AMMECR1: variants seen among roughly 807,000 people sequenced by gnomAD.
The protein encoded by AMMECR1 is AMMECR nuclear protein 1.
Under a neutral mutation model 22.5 loss-of-function variants are expected in AMMECR1, and 3 were observed. The ratio of observed to expected loss-of-function variants is 0.13; its 90% CI spans 0.06 to 0.35. The LOEUF (loss-of-function observed/expected upper bound fraction) is 0.35, where lower values mean the gene tolerates loss of function less well. AMMECR1 is among the 10% of genes least tolerant of loss of function. The pLI, the probability that AMMECR1 is intolerant of heterozygous loss-of-function variation, is 1.00. For synonymous variants in AMMECR1, 130 were observed against 116.7 expected (o/e 1.11, Z -0.74); for missense variants, 235 against 278.7 (o/e 0.84, Z 1.12).
intron 1 of AMMECR1, among the ~76,000 whole-genome samples, chrX:110,299,883 T>C (rs1189190848): frequency 8.9e-6 from 1 of 112,468 alleles, no homozygotes; most frequent in East Asian, 2.8e-4. Context: ...TTCCCTTCTT[T>C]TATGGCTGAT....
At chrX:110,222,528 A>G (rs1297455426) in intron 2 of AMMECR1, among the ~76,000 whole-genome samples, 84 of 98,049 alleles carry the variant, frequency 8.6e-4, no homozygotes, top group Non-Finnish European at 1.6e-3. Context: ...GTGCACCAGC[A>G]TGGCACATGT....
intron 2 of AMMECR1, chrX:110,358,741 C>G (rs2068243522): frequency 1.8e-5 from 2 of 111,693 alleles, no homozygotes; most frequent in Non-Finnish European, 3.8e-5. Flanking sequence ...TGAAAAGAAA[C>G]TTTGTAGGCT....
chrX:110,292,639 C>T (rs1038123908), intron 1 of AMMECR1, among the ~76,000 whole-genome samples: 2 of 111,893 alleles, frequency 1.8e-5, no homozygotes, highest in African/African-American at 3.2e-5. Context: ...ATGATTCCAA[C>T]GATGTGACAC....
In AMMECR1 at chrX:110,196,404, T is replaced by G. The variant is rs1012725423; in HGVS notation, c.*2116A>C. 5 of 110,473 alleles carry G rather than the reference T, an allele frequency of 4.5e-5. No individual in the cohort carries two copies. Among genetic ancestry groups the G allele is most frequent in the Non-Finnish European group, 9.5e-5 (5 of 52,824 alleles). The allele number at this position is 110,473 out of a possible 1,213,427, so 9.1% of individuals were successfully genotyped here. A position where few individuals can be genotyped will look rare whatever the true frequency, so the allele number is the denominator to read the frequency against. ...TTTTTTTTGTTTTTTGTTTTGTTTT[T>G]TTTTTGTTTGTTTTTTTTTGCAGCA... On this transcript the variant is annotated 3_prime_UTR_variant, in exon 6 of 6. Coordinates refer to ENST00000262844, the MANE Select transcript of AMMECR1 (RefSeq NM_015365.3).
At chrX:110,344,413 C>G (rs2068179155) in intron 2 of AMMECR1, among the ~76,000 whole-genome samples, 1 of 112,051 alleles carries the variant, frequency 8.9e-6, no homozygotes, top group Non-Finnish European at 1.9e-5. Flanking sequence ...CTAGGCAACA[C>G]CATTCAGGAC....
chrX:110,351,447 T>C (rs1354469643), intron 2 of AMMECR1, among the ~76,000 whole-genome samples: 1 of 112,076 alleles, frequency 8.9e-6, no homozygotes, highest in African/African-American at 3.2e-5. Context: ...TACATTTATG[T>C]TTGATAGATT....
At chrX:110,274,492 G>A (rs1427782921) in intron 1 of AMMECR1, among the ~76,000 whole-genome samples, 1 of 111,276 alleles carries the variant, frequency 9.0e-6, no homozygotes, top group Admixed American at 9.5e-5. Context: ...TTATGACATG[G>A]CCCTCATTCC....
intron 1 of AMMECR1, among the ~76,000 whole-genome samples, chrX:110,434,356 C>T (rs758394627): frequency 4.4e-4 from 49 of 111,375 alleles, no homozygotes; most frequent in Non-Finnish European, 9.0e-4. Flanking sequence ...CAGTCCTTAC[C>T]AGGGTGTTGA....
In AMMECR1 at chrX:110,345,495, A is replaced by T. The variant is rs755851308; in HGVS notation, c.-147-27646T>A. On this transcript the variant is annotated intron_variant, in intron 2 of 7. Transcript: ENST00000372057. ...TGTACCCTAGAACTTAAAGTGTAAT[A>T]AAAAAAATATATATATATATATAAA... Among the ~76,000 whole-genome samples, 189 of 99,799 alleles carry T rather than the reference A, an allele frequency of 1.9e-3. 1 individual carries two copies. The highest frequency in any genetic ancestry group is 8.5e-3 in the African/African-American group (184 of 21,545). The allele number at this position is 99,799 out of a possible 115,157, so 86.7% of individuals were successfully genotyped here.
chrX:110,383,319 G>T (rs777968957), intron 2 of AMMECR1, among the ~76,000 whole-genome samples: 3 of 111,215 alleles, frequency 2.7e-5, no homozygotes, highest in African/African-American at 6.5e-5. Flanking sequence ...CTCCCTTCAA[G>T]AACTCCTATC....
intron 2 of AMMECR1, chrX:110,346,799 T>G (rs761214999): frequency 1.4e-6 from 1 of 735,676 alleles, no homozygotes; most frequent in East Asian, 3.2e-5. Flanking sequence ...GCAGACAGAA[T>G]TGTTTCAAGT....
At chrX:110,231,131 C>G (rs926739908) in intron 2 of AMMECR1, among the ~76,000 whole-genome samples, 7 of 111,667 alleles carry the variant, frequency 6.3e-5, no homozygotes, top group African/African-American at 2.3e-4. Context: ...GAGAACTTCC[C>G]CAACCTAGCA....
intron 2 of AMMECR1, among the ~76,000 whole-genome samples, chrX:110,222,618 C>A (rs1602792008): frequency 1.1e-5 from 1 of 94,925 alleles, no homozygotes; most frequent in African/African-American, 4.0e-5. Context: ...TTATCCAATT[C>A]TGGAAAAAAA....
chrX:110,373,316 T>C, intron 2 of AMMECR1, among the ~76,000 whole-genome samples: 1 of 111,846 alleles, frequency 8.9e-6, no homozygotes, highest in Non-Finnish European at 1.9e-5. Context: ...ACTTTAAACC[T>C]GAGCTGCACA....
chrX:110,214,922 C>T (rs1402970484), intron 3 of AMMECR1, among the ~76,000 whole-genome samples: 1 of 111,056 alleles, frequency 9.0e-6, no homozygotes, highest in Non-Finnish European at 1.9e-5. Flanking sequence ...AAACAGCAGC[C>T]TTAAAACAGT....
At chrX:110,377,395 C>T (rs1237805684) in intron 2 of AMMECR1, among the ~76,000 whole-genome samples, 2 of 111,760 alleles carry the variant, frequency 1.8e-5, no homozygotes, top group South Asian at 7.6e-4. Flanking sequence ...ACTTCATTGT[C>T]CCTTATGCAA....
chrX:110,306,171 G>A (rs1569402700), intron 1 of AMMECR1, among the ~76,000 whole-genome samples: 1 of 106,409 alleles, frequency 9.4e-6, no homozygotes. Context: ...GGCACCTGTG[G>A]TCCCAGCTAG....
chrX:110,258,326 A>G (rs1457726004), intron 2 of AMMECR1, among the ~76,000 whole-genome samples: 1 of 112,037 alleles, frequency 8.9e-6, no homozygotes, highest in East Asian at 2.8e-4. Context: ...ATCTCTGCAC[A>G]TTAGCACAAC....
intron 2 of AMMECR1, among the ~76,000 whole-genome samples, chrX:110,259,597 T>C (rs1005190607): frequency 1.2e-4 from 13 of 108,832 alleles, no homozygotes; most frequent in African/African-American, 4.4e-4. Context: ...TTTTCTTTTT[T>C]TTTTTTTTTT....
Sources: allele counts gnomAD v4.1 joint callset (sites outside exome capture counted in the v4.1 genomes callset), GRCh38; gene constraint gnomAD v4.1.1; transcripts MANE v1.5; gene names NCBI Gene and HGNC (gene_info 2026-07-23, HGNC 2026-07-21).